The following TIMMDC1 variants were observed in gnomAD, a reference collection of about 807,000 sequenced individuals.
The protein encoded by TIMMDC1 is translocase of inner mitochondrial membrane domain containing 1, also known as complex I assembly factor TIMMDC1, mitochondrial.
In TIMMDC1, 25 loss-of-function variants were observed where a neutral mutation model predicts 32.6. The observed-to-expected ratio is 0.77, with a 90% CI of 0.56 to 1.07. The LOEUF is 1.07. Among genes scored for constraint, TIMMDC1 ranks in the 50% least tolerant of loss-of-function variants. The pLI is 0.00. For missense variants in TIMMDC1, 329 were observed against 349.2 expected (o/e 0.94, Z 0.46); for synonymous variants, 130 against 127.6 (o/e 1.02, Z -0.13).
intron 1 of TIMMDC1, chr3:119,500,286 A>G (rs1370195518): frequency 6.5e-6 from 1 of 154,194 alleles, no homozygotes; most frequent in Admixed American, 6.5e-5. Context: ...CTAGGGGTGT[A>G]ATAGTCATCA....
chr3:119,519,807 T>C (rs1374900569), intron 6 of TIMMDC1, among the ~76,000 whole-genome samples: 2 of 152,122 alleles, frequency 1.3e-5, no homozygotes, highest in Non-Finnish European at 2.9e-5. Flanking sequence ...AGCTGCAAAA[T>C]ACACGTTTTT....
At chr3:119,502,622 G>A (rs1577095564) in intron 2 of TIMMDC1, among the ~76,000 whole-genome samples, 1 of 151,918 alleles carries the variant, frequency 6.6e-6, no homozygotes, top group Non-Finnish European at 1.5e-5. Flanking sequence ...GCAGCGGCGC[G>A]ATCATAGCTC....
At chr3:119,510,471 T>C (rs945227603) in intron 4 of TIMMDC1, among the ~76,000 whole-genome samples, 1 of 51,502 alleles carries the variant, frequency 1.9e-5, no homozygotes, top group African/African-American at 7.7e-5. Flanking sequence ...AAAATGCTGA[T>C]TATTAAGAGC....
intron 4 of TIMMDC1, among the ~76,000 whole-genome samples, chr3:119,513,317 G>A (rs949054765): frequency 7.1e-6 from 1 of 140,202 alleles, no homozygotes; most frequent in African/African-American, 2.6e-5. Context: ...TATTTTCCTT[G>A]AAGAAAGAAG....
intron 6 of TIMMDC1, among the ~76,000 whole-genome samples, chr3:119,519,596 A>G (rs1040857133): frequency 2.7e-5 from 4 of 150,830 alleles, no homozygotes; most frequent in East Asian, 1.9e-4. Flanking sequence ...CAGAGCATCC[A>G]TATATATATA....
At chr3:119,499,285 G>C (rs916323081) in intron 1 of TIMMDC1, among the ~76,000 whole-genome samples, 3 of 151,398 alleles carry the variant, frequency 2.0e-5, no homozygotes, top group Non-Finnish European at 4.4e-5. Context: ...ATTTTTTATA[G>C]ACAGGGTTCT....
chr3:119,519,706 C>T (rs537620833), intron 6 of TIMMDC1, among the ~76,000 whole-genome samples: 1 of 150,194 alleles, frequency 6.7e-6, no homozygotes, highest in Non-Finnish European at 1.5e-5. Context: ...GACAGATCAT[C>T]TAGACAGAAA....
intron 4 of TIMMDC1, among the ~76,000 whole-genome samples, chr3:119,508,601 C>G (rs1259373710): frequency 1.3e-5 from 2 of 152,352 alleles, no homozygotes; most frequent in Admixed American, 1.3e-4. Context: ...CCTTGGTTGA[C>G]ACCAGCAGGA....
chr3:119,511,247 G>A (rs2081950104), intron 4 of TIMMDC1, among the ~76,000 whole-genome samples: 1 of 152,064 alleles, frequency 6.6e-6, no homozygotes, highest in Non-Finnish European at 1.5e-5. Context: ...GGAAGCTGAG[G>A]CGGGTGGATC....
chr3:119,504,144 A>G (rs148910275), intron 4 of TIMMDC1, 123 bp downstream of exon 4: 26 of 695,390 alleles, frequency 3.7e-5, no homozygotes, highest in Middle Eastern at 3.9e-4. Flanking sequence ...ATCAACATTG[A>G]TGCAAAATGT....
At chr3:119,503,384 A>G (rs1056412229) in intron 2 of TIMMDC1, 148 bp from the exon 3 acceptor site, 3 of 586,716 alleles carry the variant, frequency 5.1e-6, no homozygotes, top group Admixed American at 3.6e-5. Context: ...CTCAATACTT[A>G]AAGAATAGTA....
chr3:119,520,239 A>G (rs2082016575), intron 6 of TIMMDC1, among the ~76,000 whole-genome samples: 1 of 152,122 alleles, frequency 6.6e-6, no homozygotes. Flanking sequence ...AATCAGAAGG[A>G]AATAAATAAA....
intron 6 of TIMMDC1, among the ~76,000 whole-genome samples, chr3:119,522,350 A>T (rs1408140628): frequency 6.6e-6 from 1 of 152,170 alleles, no homozygotes; most frequent in Admixed American, 6.5e-5. Context: ...GGAGCTAAAA[A>T]ATGGGCTCAT....
At chr3:119,511,568 A>T (rs1490921056) in intron 4 of TIMMDC1, among the ~76,000 whole-genome samples, 1 of 152,230 alleles carries the variant, frequency 6.6e-6, no homozygotes, top group South Asian at 2.1e-4. Flanking sequence ...ATTTTTAAGC[A>T]TAAGAACTAA....
At chr3:119,519,327 A>T (rs1289346671) in intron 6 of TIMMDC1, among the ~76,000 whole-genome samples, 1 of 152,236 alleles carries the variant, frequency 6.6e-6, no homozygotes, top group African/African-American at 2.4e-5. Flanking sequence ...AATAAAAAAA[A>T]GTTTAAAGAC....
Position 119,517,273 on chromosome 3 carries a change from A to G in TIMMDC1, c.665A>G (p.Gln222Arg), listed in dbSNP as rs745698893. 41 of 1,613,794 alleles carry G rather than the reference A, an allele frequency of 2.5e-5. No homozygotes were observed. Among genetic ancestry groups the G allele is most frequent in the Non-Finnish European group, 3.4e-5 (40 of 1,179,834 alleles). ...YSGETVQERK[Q>R]KDRKALHELK... ...GGTGAGACTGTTCAGGAAAGAAAAC[A>G]GAAGGATCGAAAGGCACTCCATGAG... Residue 222 changes from glutamine to arginine, a missense_variant, in exon 6 of 7, where the codon CAG becomes CGG. Coordinates refer to ENST00000494664, the MANE Select transcript of TIMMDC1 (RefSeq NM_016589.4).
At chr3:119,512,491 C>T (rs2081960318) in intron 4 of TIMMDC1, among the ~76,000 whole-genome samples, 1 of 152,010 alleles carries the variant, frequency 6.6e-6, no homozygotes. Flanking sequence ...CTTGGCCAGG[C>T]TGGTCTTGAA....
intron 2 of TIMMDC1, 110 bp from the exon 3 acceptor site, chr3:119,503,422 C>T (rs753379425): frequency 4.4e-6 from 3 of 683,426 alleles, no homozygotes; most frequent in Non-Finnish European, 2.4e-6. Flanking sequence ...GTATTTCTAT[C>T]TGTTTGGGTG....
At chr3:119,509,841 A>G (rs1209077581) in intron 4 of TIMMDC1, among the ~76,000 whole-genome samples, 1 of 152,068 alleles carries the variant, frequency 6.6e-6, no homozygotes, top group Non-Finnish European at 1.5e-5. Flanking sequence ...ATATGCCACC[A>G]TACCCGGCTA....
Sources: gnomAD v4.1 joint callset for allele counts (sites outside exome capture counted in the v4.1 genomes callset) on GRCh38, gnomAD v4.1.1 for gene constraint, MANE v1.5 for transcripts, NCBI Gene and HGNC (gene_info 2026-07-23, HGNC 2026-07-21) for gene names.